Variants in ZNG1E observed in about 807,000 individuals in gnomAD.
ZNG1E encodes zinc-regulated GTPase metalloprotein activator 1E.
chr9:65,654,912 C>T, the ZNG1E span, among the ~76,000 whole-genome samples: 1 of 150,744 alleles, frequency 6.6e-6, no homozygotes, highest in Non-Finnish European at 1.5e-5. Context: ...TGCCACAGTC[C>T]TTAGGAGCCT....
At chr9:65,681,148 T>C in the ZNG1E span, among the ~76,000 whole-genome samples, 6 of 151,800 alleles carry the variant, frequency 4.0e-5, no homozygotes, top group Non-Finnish European at 7.4e-5. Context: ...GCAGTTTGTC[T>C]AACAGAAACA....
the ZNG1E span, among the ~76,000 whole-genome samples, chr9:65,714,660 G>T: frequency 1.3e-5 from 2 of 152,204 alleles, no homozygotes; most frequent in Non-Finnish European, 1.5e-5. Context: ...GTGTCAGCCT[G>T]CCTCTGCTAG....
At chr9:65,658,336 A>G in the ZNG1E span, among the ~76,000 whole-genome samples, 1 of 151,882 alleles carries the variant, frequency 6.6e-6, no homozygotes, top group African/African-American at 2.4e-5. Context: ...TAGAATAAAA[A>G]ATTCAGAGAA....
At chr9:65,705,301 G>A in the ZNG1E span, among the ~76,000 whole-genome samples, 1 of 151,018 alleles carries the variant, frequency 6.6e-6, no homozygotes, top group African/African-American at 2.4e-5. Context: ...AACACAGCTG[G>A]TCAATAATAA....
the ZNG1E span, among the ~76,000 whole-genome samples, chr9:65,686,634 C>T: frequency 6.6e-6 from 1 of 152,166 alleles, no homozygotes; most frequent in Non-Finnish European, 1.5e-5. Context: ...GACTCCATCT[C>T]AAAATAAATA....
the ZNG1E span, among the ~76,000 whole-genome samples, chr9:65,671,513 T>A: frequency 6.6e-6 from 1 of 151,988 alleles, no homozygotes; most frequent in Admixed American, 6.6e-5. Flanking sequence ...ATAGATGGGG[T>A]TTTGCCACGT....
the ZNG1E span, among the ~76,000 whole-genome samples, chr9:65,660,034 A>C: frequency 7.0e-6 from 1 of 143,878 alleles, no homozygotes; most frequent in Non-Finnish European, 1.5e-5. Context: ...TGTGCTCCAC[A>C]AAAAATAAAG....
the ZNG1E span, among the ~76,000 whole-genome samples, chr9:65,664,486 T>TCCG: frequency 1.7e-4 from 17 of 98,716 alleles, 2 homozygotes; most frequent in South Asian, 4.2e-4. Flanking sequence ...CCTTTTGCCT[T>TCCG]CCGCCATGAT....
At chr9:65,668,436 A>T in the ZNG1E span, among the ~76,000 whole-genome samples, 1 of 149,858 alleles carries the variant, frequency 6.7e-6, no homozygotes, top group Non-Finnish European at 1.5e-5. Flanking sequence ...TACTGTTTGA[A>T]TTTTTTATAG....
the ZNG1E span, chr9:65,691,066 T>G: frequency 3.1e-5 from 49 of 1,593,218 alleles, no homozygotes; most frequent in African/African-American, 4.1e-5. Context: ...TTCTTGTTTT[T>G]TTTTTGTTTT....
At chr9:65,715,027 C>A in the ZNG1E span, among the ~76,000 whole-genome samples, 1 of 149,558 alleles carries the variant, frequency 6.7e-6, no homozygotes, top group Non-Finnish European at 1.5e-5. Flanking sequence ...TGATCTCAGA[C>A]TGCTGTGCTA....
At chr9:65,710,675 C>T in the ZNG1E span, among the ~76,000 whole-genome samples, 7 of 150,948 alleles carry the variant, frequency 4.6e-5, no homozygotes, top group South Asian at 2.1e-4. Context: ...AGATATGCGG[C>T]GTTATTTCTG....
At chr9:65,727,262 A>G in the ZNG1E span, among the ~76,000 whole-genome samples, 1 of 148,316 alleles carries the variant, frequency 6.7e-6, no homozygotes, top group African/African-American at 2.6e-5. Context: ...CTGGAAACAT[A>G]TCAAAACAGA....
chr9:65,714,498 C>A, the ZNG1E span, among the ~76,000 whole-genome samples: 8 of 151,342 alleles, frequency 5.3e-5, no homozygotes, highest in Non-Finnish European at 1.0e-4. Flanking sequence ...TCTGTTTTTT[C>A]CCCATCTTTG....
At chr9:65,659,321 G>C in the ZNG1E span, among the ~76,000 whole-genome samples, 20 of 129,274 alleles carry the variant, frequency 1.5e-4, no homozygotes, top group African/African-American at 5.1e-4. Flanking sequence ...ATGGTGAAAC[G>C]CTGTCTCTAC....
the ZNG1E span, among the ~76,000 whole-genome samples, chr9:65,672,647 G>A: frequency 6.6e-6 from 1 of 151,048 alleles, no homozygotes; most frequent in Non-Finnish European, 1.5e-5. Context: ...AGGAAGCTGA[G>A]GCAGGAGAAT....
At chr9:65,687,599 G>A in the ZNG1E span, among the ~76,000 whole-genome samples, 4 of 151,126 alleles carry the variant, frequency 2.6e-5, no homozygotes, top group Admixed American at 6.6e-5. Flanking sequence ...GAATTTGTGA[G>A]TATTATAGTC....
At chr9:65,732,702 G>A in the ZNG1E span, 1 of 1,296,698 alleles carries the variant, frequency 7.7e-7, no homozygotes, top group African/African-American at 1.6e-5. Flanking sequence ...TTCAGGTTTT[G>A]GTTGTGATAA....
the ZNG1E span, among the ~76,000 whole-genome samples, chr9:65,676,650 A>C: frequency 6.6e-6 from 1 of 151,588 alleles, no homozygotes; most frequent in Non-Finnish European, 1.5e-5. Flanking sequence ...TTTTTTTTTG[A>C]GGTCTGTTTG....
Sources: gnomAD v4.1 joint callset for allele counts (sites outside exome capture counted in the v4.1 genomes callset) on GRCh38, gnomAD v4.1.1 for gene constraint, MANE v1.5 for transcripts, NCBI Gene and HGNC (gene_info 2026-07-23, HGNC 2026-07-21) for gene names.